RNGTT: variants seen among roughly 807,000 people sequenced by gnomAD.
RNGTT encodes RNA guanylyltransferase and 5'-phosphatase.
In RNGTT, 33 loss-of-function variants were observed where a neutral mutation model predicts 79.3. That is an observed-to-expected ratio of 0.42 (90% CI 0.32 to 0.56). The LOEUF (loss-of-function observed/expected upper bound fraction) is 0.56. Ranked by LOEUF, RNGTT falls within the 20% of genes least tolerant of loss-of-function variation. The pLI, the probability that RNGTT is intolerant of heterozygous loss-of-function variation, is 0.17. For synonymous variants in RNGTT, 222 were observed against 235.9 expected, an observed-to-expected ratio of 0.94 and a Z score of 0.54; for missense variants, 497 against 739.1, an observed-to-expected ratio of 0.67 and a Z score of 3.80.
At chr6:88,688,548 A>G (rs1472955361) in intron 13 of RNGTT, among the ~76,000 whole-genome samples, 1 of 152,226 alleles carries the variant, frequency 6.6e-6, no homozygotes, top group East Asian at 1.9e-4. Context: ...GGCCGAGGAA[A>G]GAAAATAGAA....
intron 13 of RNGTT, among the ~76,000 whole-genome samples, chr6:88,702,511 A>C (rs1415265235): frequency 2.6e-5 from 4 of 152,234 alleles, no homozygotes. Context: ...AGCCATATGC[A>C]GAAGAATGAA....
At position 88,779,107 on chromosome 6, in the gene RNGTT, C is replaced by A. The variant is rs1165020167; in HGVS notation, c.1339-9233G>T. Among the ~76,000 whole-genome samples, 4 of 151,954 alleles carry A rather than the reference C, an allele frequency of 2.6e-5. No homozygotes were observed. In the East Asian group the frequency reaches 7.7e-4, roughly 29 times the overall value. Reference sequence around the variant, plus strand: ...GCTTATTTGACAGAAAAGTCACAGGCCTTTAAGTAACAGTGGCTCATTACA... The same window carrying A: ...GCTTATTTGACAGAAAAGTCACAGGACTTTAAGTAACAGTGGCTCATTACA... On this transcript the variant is annotated intron_variant, in intron 12 of 15. Transcript: ENST00000369485.
intron 8 of RNGTT, among the ~76,000 whole-genome samples, chr6:88,888,198 T>C (rs1272421316): frequency 2.0e-5 from 3 of 152,082 alleles, no homozygotes; most frequent in African/African-American, 7.2e-5. Context: ...AGGTTAAATG[T>C]ATGCCTCAAT....
At chr6:88,824,866 C>T (rs1780607851) in intron 11 of RNGTT, among the ~76,000 whole-genome samples, 1 of 151,862 alleles carries the variant, frequency 6.6e-6, no homozygotes, top group South Asian at 2.1e-4. Context: ...CCTCTGCCTC[C>T]AGAGTAGCTG....
At chr6:88,862,454 C>A (rs1782045406) in intron 8 of RNGTT, among the ~76,000 whole-genome samples, 1 of 152,196 alleles carries the variant, frequency 6.6e-6, no homozygotes, top group Non-Finnish European at 1.5e-5. Context: ...CGTGAAAGCT[C>A]TGCACTCTTT....
At chr6:88,733,770 G>C in intron 13 of RNGTT, among the ~76,000 whole-genome samples, 1 of 151,128 alleles carries the variant, frequency 6.6e-6, no homozygotes, top group East Asian at 1.9e-4. Context: ...AGACTTCTCA[G>C]AAATCATGCA....
At chr6:88,613,156 A>AGGGATAG (rs1772096953) in intron 15 of RNGTT, among the ~76,000 whole-genome samples, 2 of 152,200 alleles carry the variant, frequency 1.3e-5, no homozygotes, top group Admixed American at 6.5e-5. Flanking sequence ...TATCCCTCCC[A>AGGGATAG]AACCAGTTTT....
chr6:88,642,660 A>T (rs1011213720), intron 14 of RNGTT, among the ~76,000 whole-genome samples: 1 of 152,196 alleles, frequency 6.6e-6, no homozygotes, highest in African/African-American at 2.4e-5. Context: ...TCTAATCTCA[A>T]TTCCATCATT....
intron 12 of RNGTT, among the ~76,000 whole-genome samples, chr6:88,778,883 C>G (rs996599909): frequency 6.6e-6 from 1 of 152,054 alleles, no homozygotes; most frequent in African/African-American, 2.4e-5. Flanking sequence ...AGTATAAAAT[C>G]AAATATATAA....
intron 14 of RNGTT, among the ~76,000 whole-genome samples, chr6:88,629,858 G>A (rs1223800451): frequency 6.6e-6 from 1 of 152,176 alleles, no homozygotes; most frequent in African/African-American, 2.4e-5. Context: ...TCAGGTAAAT[G>A]ATATGCTTGC....
In RNGTT at chr6:88,693,294, G is replaced by A. The variant is rs181119905; in HGVS notation, c.1440-14875C>T. ...GAAATGAAAGAAGAGATATTACAAC[G>A]GATACCTTAGAAATACAAAGGATCA... On this transcript the variant is annotated intron_variant, in intron 13 of 15. Coordinates refer to ENST00000369485, the MANE Select transcript of RNGTT (RefSeq NM_003800.5). Among the ~76,000 whole-genome samples the A allele has an allele frequency of 1.8e-3, 277 of 151,870 alleles. 3 individuals carry two copies. Among genetic ancestry groups the A allele is most frequent in the African/African-American group, 6.5e-3 (271 of 41,452 alleles).
chr6:88,823,128 C>T (rs776727831), intron 11 of RNGTT, among the ~76,000 whole-genome samples: 60 of 152,110 alleles, frequency 3.9e-4, no homozygotes, highest in Non-Finnish European at 7.8e-4. Flanking sequence ...CTATCAAAGG[C>T]CTCTGTTAAG....
intron 12 of RNGTT, among the ~76,000 whole-genome samples, chr6:88,782,821 T>C (rs1033424762): frequency 4.6e-5 from 7 of 152,002 alleles, no homozygotes; most frequent in Admixed American, 2.6e-4. Context: ...AGCAGGGAAA[T>C]GCAAATCAAA....
intron 12 of RNGTT, among the ~76,000 whole-genome samples, chr6:88,793,104 A>T (rs1779476085): frequency 6.6e-6 from 1 of 152,226 alleles, no homozygotes; most frequent in African/African-American, 2.4e-5. Flanking sequence ...GAGCACATCA[A>T]AAATATGATG....
At chr6:88,946,460 T>G (rs1434215627) in intron 1 of RNGTT, among the ~76,000 whole-genome samples, 2 of 152,154 alleles carry the variant, frequency 1.3e-5, no homozygotes, top group Non-Finnish European at 2.9e-5. Flanking sequence ...CAATGGCCTC[T>G]AAGTGTTCAA....
chr6:88,743,372 C>A lies in RNGTT; in HGVS notation c.1439+26402G>T, dbSNP rs547645374. Among the ~76,000 whole-genome samples, 3 of 152,056 alleles carry A rather than the reference C, an allele frequency of 2.0e-5. No homozygotes were observed. The South Asian group carries it at 6.2e-4, about 32-fold the overall frequency. On this transcript the variant is annotated intron_variant, in intron 13 of 15. Coordinates refer to ENST00000369485, the MANE Select transcript of RNGTT (RefSeq NM_003800.5). ...CTTAACCACTTTTAAGTGAACAGTT[C>A]GGTGGTATTAAATACATTCATAATG...
chr6:88,612,934 C>T, intron 15 of RNGTT, 52 bp from the exon 16 acceptor site: 1 of 1,545,358 alleles, frequency 6.5e-7, no homozygotes, highest in South Asian at 1.2e-5. Context: ...AGGCAGCTGA[C>T]TCACCACAGG....
intron 14 of RNGTT, among the ~76,000 whole-genome samples, chr6:88,668,918 G>A (rs1774521671): frequency 6.6e-6 from 1 of 152,088 alleles, no homozygotes; most frequent in Non-Finnish European, 1.5e-5. Context: ...CATGAATTAG[G>A]ACTATATGGT....
rs575914804 is a variant in RNGTT, at chr6:88,625,783, TA to T, written c.1507-11389del. ...CAAAAAAAACAAGAAACAGGTCAGT[TA>T]AAAAAAAAGTAATTTCAATCACGTC... On this transcript the variant is annotated intron_variant, in intron 14 of 15. Transcript: ENST00000369485. Among the ~76,000 whole-genome samples, 8 of 151,022 alleles carry T rather than the reference TA, an allele frequency of 5.3e-5. No individual in the cohort carries two copies. In the South Asian group the frequency reaches 1.3e-3, roughly 24 times the overall value.
Sources: allele counts gnomAD v4.1 joint callset (sites outside exome capture counted in the v4.1 genomes callset), GRCh38; gene constraint gnomAD v4.1.1; transcripts MANE v1.5; gene names NCBI Gene and HGNC (gene_info 2026-07-23, HGNC 2026-07-21).